Variants in SEMA5A observed in about 807,000 individuals in gnomAD.
SEMA5A encodes semaphorin 5A.
In SEMA5A, 55 loss-of-function variants were observed where a neutral mutation model predicts 135.5. The observed-to-expected ratio is 0.41, with a 90% CI of 0.33 to 0.51. The LOEUF is 0.51. Among genes scored for constraint, SEMA5A ranks in the 20% least tolerant of loss-of-function variants. The pLI, the probability that SEMA5A is intolerant of heterozygous loss-of-function variation, is 0.37. For synonymous variants in SEMA5A, 580 were observed against 546.5 expected (o/e 1.06, Z -0.85); for missense variants, 1,290 against 1,419.9 (o/e 0.91, Z 1.47).
intron 2 of SEMA5A, among the ~76,000 whole-genome samples, chr5:9,427,819 T>A (rs372956239): frequency 1.1e-4 from 16 of 152,222 alleles, no homozygotes; most frequent in African/African-American, 3.9e-4. Context: ...TACCCCTAAT[T>A]TGCCACAAAT....
intron 1 of SEMA5A, among the ~76,000 whole-genome samples, chr5:9,501,011 G>A (rs1259818675): frequency 6.6e-6 from 1 of 151,966 alleles, no homozygotes; most frequent in African/African-American, 2.4e-5. Flanking sequence ...CTGCCTTTAT[G>A]AAAAAAATCT....
intron 1 of SEMA5A, chr5:9,517,039 C>T (rs1736568309): frequency 6.6e-6 from 1 of 152,198 alleles, no homozygotes; most frequent in East Asian, 1.9e-4. Flanking sequence ...TCATGACTAT[C>T]ATATCAATCC....
chr5:9,066,752 C>T, intron 16 of SEMA5A, 106 bp from the exon 17 acceptor site: 1 of 873,826 alleles, frequency 1.1e-6, no homozygotes, highest in African/African-American at 1.7e-5. Context: ...AACACCAGCT[C>T]CTAAGACACT....
chr5:9,381,981 T>TGTGC (rs1411451751), intron 2 of SEMA5A, among the ~76,000 whole-genome samples: 69 of 99,948 alleles, frequency 6.9e-4, no homozygotes, highest in Admixed American at 1.5e-3. Flanking sequence ...TGTGTGTGTG[T>TGTGC]GCGCGCGCGC....
At chr5:9,369,845 T>C (rs1755064434) in intron 3 of SEMA5A, among the ~76,000 whole-genome samples, 2 of 151,924 alleles carry the variant, frequency 1.3e-5, no homozygotes, top group Admixed American at 1.3e-4. Context: ...GAAAGTTCCA[T>C]CGCTGATGGA....
intron 12 of SEMA5A, among the ~76,000 whole-genome samples, chr5:9,151,513 A>C (rs1742633389): frequency 6.6e-6 from 1 of 152,200 alleles, no homozygotes; most frequent in South Asian, 2.1e-4. Flanking sequence ...TTTGTCAAAA[A>C]ACCCCACAAT....
intron 16 of SEMA5A, among the ~76,000 whole-genome samples, chr5:9,090,800 G>A (rs1738990571): frequency 6.6e-6 from 1 of 152,182 alleles, no homozygotes; most frequent in South Asian, 2.1e-4. Flanking sequence ...AAGGGCACAG[G>A]AAAGCCCCGG....
intron 1 of SEMA5A, chr5:9,498,484 G>C (rs560086124): frequency 6.6e-6 from 1 of 152,132 alleles, no homozygotes; most frequent in Non-Finnish European, 1.5e-5. Context: ...ATTTTTAAAA[G>C]ATAAATTTAA....
chr5:9,464,054 G>A (rs1478458881), intron 1 of SEMA5A, among the ~76,000 whole-genome samples: 1 of 152,092 alleles, frequency 6.6e-6, no homozygotes, highest in African/African-American at 2.4e-5. Flanking sequence ...GGGGGAGCTG[G>A]TCTGTGCATG....
intron 13 of SEMA5A, among the ~76,000 whole-genome samples, chr5:9,123,768 T>C (rs1740957612): frequency 6.6e-6 from 1 of 152,200 alleles, no homozygotes; most frequent in African/African-American, 2.4e-5. Flanking sequence ...CGCTTCTCTT[T>C]GTTAAGAATA....
At chr5:9,172,549 T>C (rs990563738) in intron 11 of SEMA5A, among the ~76,000 whole-genome samples, 2 of 152,182 alleles carry the variant, frequency 1.3e-5, no homozygotes, top group Admixed American at 1.3e-4. Flanking sequence ...TAAAATCCCT[T>C]AACTGTACTT....
chr5:9,182,813 C>G (rs143457452), intron 11 of SEMA5A, among the ~76,000 whole-genome samples: 138 of 152,014 alleles, frequency 9.1e-4, no homozygotes, highest in African/African-American at 3.2e-3. Flanking sequence ...TCCTTCTACC[C>G]TTTTTGTTAT....
At chr5:9,356,970 G>A (rs756950851) in intron 3 of SEMA5A, among the ~76,000 whole-genome samples, 6 of 152,170 alleles carry the variant, frequency 3.9e-5, no homozygotes, top group Admixed American at 6.5e-5. Flanking sequence ...AGAAAGCCCC[G>A]AACGATGAGG....
chr5:9,401,408 T>C (rs1756656835), intron 2 of SEMA5A, among the ~76,000 whole-genome samples: 1 of 152,184 alleles, frequency 6.6e-6, no homozygotes, highest in Non-Finnish European at 1.5e-5. Context: ...AAACATGTCC[T>C]TCTAGAATCT....
intron 3 of SEMA5A, among the ~76,000 whole-genome samples, chr5:9,360,715 C>G (rs1754654539): frequency 6.6e-6 from 1 of 152,140 alleles, no homozygotes; most frequent in Non-Finnish European, 1.5e-5. Flanking sequence ...TTCCTGAATC[C>G]TTGAAAAATC....
chr5:9,092,622 A>G (rs1037556315), intron 16 of SEMA5A, among the ~76,000 whole-genome samples: 2 of 152,268 alleles, frequency 1.3e-5, no homozygotes, highest in African/African-American at 4.8e-5. Flanking sequence ...AGGAAATGAG[A>G]TGTTCATAAG....
intron 1 of SEMA5A, among the ~76,000 whole-genome samples, chr5:9,451,495 C>A (rs917704776): frequency 2.0e-5 from 3 of 152,126 alleles, no homozygotes; most frequent in Non-Finnish European, 4.4e-5. Context: ...TGCCACTTTC[C>A]TAACTATTGT....
At chr5:9,294,390 C>A (rs1479257809) in intron 5 of SEMA5A, among the ~76,000 whole-genome samples, 1 of 152,192 alleles carries the variant, frequency 6.6e-6, no homozygotes, top group Non-Finnish European at 1.5e-5. Flanking sequence ...GGGACCCTGG[C>A]CTTCGTTTCA....
At chr5:9,196,138 G>GATGATC in intron 10 of SEMA5A, among the ~76,000 whole-genome samples, 1 of 152,252 alleles carries the variant, frequency 6.6e-6, no homozygotes, top group South Asian at 2.1e-4. Context: ...TAATGATGAT[G>GATGATC]ATGATCTTAA....
Sources: allele counts gnomAD v4.1 joint callset (sites outside exome capture counted in the v4.1 genomes callset), GRCh38; gene constraint gnomAD v4.1.1; transcripts MANE v1.5; gene names NCBI Gene and HGNC (gene_info 2026-07-23, HGNC 2026-07-21).